Variants in PALM2AKAP2 observed in about 807,000 individuals in gnomAD.
PALM2AKAP2 encodes PALM2 and AKAP2 fusion, also known as PALM2-AKAP2 fusion protein.
PALM2AKAP2 carries 37 observed loss-of-function variants against 71.5 expected under a neutral mutation model. That is an observed-to-expected ratio of 0.52 (90% confidence interval 0.40 to 0.68). The LOEUF (loss-of-function observed/expected upper bound fraction) is 0.68, where lower values mean the gene tolerates loss of function less well. Among genes scored for constraint, PALM2AKAP2 ranks in the 30% least tolerant of loss-of-function variants. PALM2AKAP2 has a pLI of 0.00. For missense variants in PALM2AKAP2, 1,224 were observed against 1,191.8 expected, an observed-to-expected ratio of 1.03 and a Z score of -0.40; for synonymous variants, 468 against 478.8, an observed-to-expected ratio of 0.98 and a Z score of 0.29.
In PALM2AKAP2 at chr9:109,943,628, G is replaced by T. The variant is rs1003355982; in HGVS notation, c.496+11600G>T. 7.5e-6 allele frequency: 5 copies of T among 663,896 alleles called. No homozygotes were observed. In the African/African-American group the frequency reaches 9.0e-5, roughly 12 times the overall value. The allele number at this position is 663,896 out of a possible 1,614,324, so 41.1% of individuals were successfully genotyped here. ...CATGTGTGTGCTTCATTCTCTCCAA[G>T]AACTTGCTTTTCCTCTAAACCTTTC... On this transcript the variant is annotated intron_variant, in intron 6 of 9. Coordinates refer to the PALM2AKAP2 transcript ENST00000302798.
chr9:109,669,680 AT>A (rs1021288784), intron 1 of PALM2AKAP2, among the ~76,000 whole-genome samples: 1 of 151,894 alleles, frequency 6.6e-6, no homozygotes, highest in Admixed American at 6.6e-5. Context: ...AATAAGTCGC[AT>A]TTTTCAGGAA....
intron 6 of PALM2AKAP2, among the ~76,000 whole-genome samples, chr9:109,986,252 T>C (rs1391140892): frequency 6.6e-6 from 1 of 152,218 alleles, no homozygotes; most frequent in Non-Finnish European, 1.5e-5. Flanking sequence ...TTAATGTGTT[T>C]TTCTGAATGA....
Position 110,136,673 on chromosome 9 carries a change from A to G in PALM2AKAP2, c.703A>G (p.Ser235Gly), listed in dbSNP as rs148195165. ...CCAGCCTAGAGATGCGCTGGGGGACAGCCTGCAGGTGCCTGTCAGCCCCAG... is the reference window on the plus strand; with the variant it reads ...CCAGCCTAGAGATGCGCTGGGGGACGGCCTGCAGGTGCCTGTCAGCCCCAG... The change falls in exon 2 of 4, where the codon AGC becomes GGC. Residue 235 changes from serine (S) to glycine (G), a missense_variant. By Grantham distance (56) the Ser-to-Gly change is moderately conservative. Coordinates refer to ENST00000374525, the Ensembl canonical transcript of PALM2AKAP2. 6.2e-6 allele frequency: 10 copies of G among 1,614,024 alleles called. No homozygotes were observed. In the African/African-American group the frequency reaches 1.3e-4, roughly 22 times the overall value.
At chr9:109,963,797 C>T (rs1831894039) in intron 6 of PALM2AKAP2, among the ~76,000 whole-genome samples, 1 of 152,194 alleles carries the variant, frequency 6.6e-6, no homozygotes, top group Non-Finnish European at 1.5e-5. Context: ...ATCTGTCTTC[C>T]CAAGGATGGG....
chr9:110,114,042 T>C (rs1295459712), intron 1 of PALM2AKAP2, among the ~76,000 whole-genome samples: 1 of 152,218 alleles, frequency 6.6e-6, no homozygotes, highest in Non-Finnish European at 1.5e-5. Context: ...GGTAGGTGTA[T>C]TGATTTCCTA....
At chr9:110,030,545 A>G (rs1048383512) in intron 7 of PALM2AKAP2, among the ~76,000 whole-genome samples, 5 of 152,180 alleles carry the variant, frequency 3.3e-5, no homozygotes, top group African/African-American at 1.2e-4. Context: ...TCAGAATATC[A>G]AAGCATCATA....
chr9:109,964,457 G>A (rs55687386), intron 6 of PALM2AKAP2, among the ~76,000 whole-genome samples: 6,557 of 152,316 alleles, frequency 0.043, 285 homozygotes, highest in East Asian at 0.17. Context: ...ACCAGTAGGA[G>A]CGAGAGAAGA....
intron 1 of PALM2AKAP2, among the ~76,000 whole-genome samples, chr9:109,823,556 G>A (rs1828066408): frequency 6.6e-6 from 1 of 152,176 alleles, no homozygotes; most frequent in Admixed American, 6.5e-5. Flanking sequence ...GTGTTGGAAG[G>A]TGAAACCACA....
intron 1 of PALM2AKAP2, among the ~76,000 whole-genome samples, chr9:109,819,840 T>A (rs1240647606): frequency 6.6e-6 from 1 of 152,118 alleles, no homozygotes; most frequent in Non-Finnish European, 1.5e-5. Context: ...CATTGTGAGA[T>A]CACCACTCAT....
chr9:109,993,109 C>A (rs1832515832), intron 6 of PALM2AKAP2, among the ~76,000 whole-genome samples: 1 of 151,034 alleles, frequency 6.6e-6, no homozygotes, highest in Non-Finnish European at 1.5e-5. Flanking sequence ...CTGTCCCCTG[C>A]AGCTGCTCCT....
intron 6 of PALM2AKAP2, among the ~76,000 whole-genome samples, chr9:109,978,601 C>T (rs1832211243): frequency 6.6e-6 from 1 of 152,198 alleles, no homozygotes; most frequent in Admixed American, 6.5e-5. Context: ...TCCACTCAGG[C>T]TTTCACAGGC....
chr9:109,725,631 C>T (rs113528179), intron 1 of PALM2AKAP2, among the ~76,000 whole-genome samples: 60 of 152,092 alleles, frequency 3.9e-4, no homozygotes, highest in East Asian at 1.5e-3. Context: ...TATATTTGTA[C>T]GCTAGAATAC....
At chr9:110,003,838 A>G (rs1004270347) in intron 6 of PALM2AKAP2, among the ~76,000 whole-genome samples, 5 of 152,100 alleles carry the variant, frequency 3.3e-5, no homozygotes, top group African/African-American at 7.2e-5. Context: ...TTTATCAGAG[A>G]CTAGGATTGC....
At chr9:109,995,451 TA>T in intron 6 of PALM2AKAP2, among the ~76,000 whole-genome samples, 1 of 152,226 alleles carries the variant, frequency 6.6e-6, no homozygotes, top group South Asian at 2.1e-4. Flanking sequence ...CTCACGCTGC[TA>T]AAAAAGACAT....
intron 1 of PALM2AKAP2, among the ~76,000 whole-genome samples, chr9:109,801,397 GA>G (rs139990656): frequency 0.073 from 11,069 of 152,300 alleles, 538 homozygotes; most frequent in South Asian, 0.11. Flanking sequence ...ATGTTGCTTA[GA>G]AAGGTGGATT....
At chr9:109,897,368 T>C (rs1830225774) in intron 3 of PALM2AKAP2, among the ~76,000 whole-genome samples, 1 of 151,976 alleles carries the variant, frequency 6.6e-6, no homozygotes, top group African/African-American at 2.4e-5. Flanking sequence ...GATCACGAGT[T>C]CTGGAGTTCA....
intron 1 of PALM2AKAP2, among the ~76,000 whole-genome samples, chr9:110,105,366 G>T (rs1389378014): frequency 6.6e-6 from 1 of 152,150 alleles, no homozygotes; most frequent in Non-Finnish European, 1.5e-5. Context: ...TTAAAACTTG[G>T]TTGCTTTGTA....
At chr9:109,736,723 A>G (rs1431206849) in intron 1 of PALM2AKAP2, among the ~76,000 whole-genome samples, 2 of 152,158 alleles carry the variant, frequency 1.3e-5, no homozygotes, top group Non-Finnish European at 2.9e-5. Context: ...ACTGTACCTA[A>G]TAACAGGTGA....
intron 2 of PALM2AKAP2, among the ~76,000 whole-genome samples, chr9:109,867,925 G>T (rs572030738): frequency 6.6e-6 from 1 of 152,230 alleles, no homozygotes; most frequent in African/African-American, 2.4e-5. Flanking sequence ...GGGTGTGTTT[G>T]CTCAGAGACC....
Sources: gnomAD v4.1 joint callset for allele counts (sites outside exome capture counted in the v4.1 genomes callset) on GRCh38, gnomAD v4.1.1 for gene constraint, MANE v1.5 for transcripts, NCBI Gene and HGNC (gene_info 2026-07-23, HGNC 2026-07-21) for gene names.